CCDC7: variants seen among roughly 807,000 people sequenced by gnomAD.
The protein encoded by CCDC7 is coiled-coil domain-containing protein 7.
CCDC7 carries 183 observed loss-of-function variants against 196.9 expected under a neutral mutation model. The observed-to-expected ratio is 0.93, with a 90% confidence interval of 0.82 to 1.05. The LOEUF is 1.05. CCDC7 is among the 50% of genes least tolerant of loss of function. The probability of loss-of-function intolerance (pLI) is 0.00; values close to 1 mark genes in which losing one functional copy is unlikely to be tolerated. For synonymous variants in CCDC7, 525 were observed against 484.6 expected, an observed-to-expected ratio of 1.08 and a Z score of -1.10; for missense variants, 1,540 against 1,482.2, an observed-to-expected ratio of 1.04 and a Z score of -0.64.
At chr10:32,854,316 A>T (rs2093670767) in intron 40 of CCDC7, 84 bp from the exon 42 acceptor site, 2 of 811,242 alleles carry the variant, frequency 2.5e-6, no homozygotes, top group Non-Finnish European at 3.9e-6. Context: ...GTGTTTTAGA[A>T]TACTAAGATT....
At chr10:32,615,218 G>A (rs2062649169) in intron 18 of CCDC7, among the ~76,000 whole-genome samples, 1 of 152,098 alleles carries the variant, frequency 6.6e-6, no homozygotes, top group Non-Finnish European at 1.5e-5. Flanking sequence ...TAGATCAAAT[G>A]TTATTTCTAT....
chr10:32,684,431 G>C (rs1212332809), intron 21 of CCDC7, among the ~76,000 whole-genome samples: 1 of 152,168 alleles, frequency 6.6e-6, no homozygotes, highest in African/African-American at 2.4e-5. Flanking sequence ...CATGGCAGAG[G>C]TATGTGTCCC....
At chr10:32,758,071 A>G (rs1409311233) in intron 28 of CCDC7, among the ~76,000 whole-genome samples, 2 of 152,224 alleles carry the variant, frequency 1.3e-5, no homozygotes, top group Non-Finnish European at 2.9e-5. Context: ...ATCCCTGAAT[A>G]GACCAGTAAC....
intron 18 of CCDC7, among the ~76,000 whole-genome samples, chr10:32,593,973 C>T (rs1168382225): frequency 6.6e-6 from 1 of 152,134 alleles, no homozygotes; most frequent in Non-Finnish European, 1.5e-5. Flanking sequence ...AGTTTGAAGT[C>T]AGGTAGCATG....
At chr10:32,744,634 G>A (rs2074404422) in intron 28 of CCDC7, among the ~76,000 whole-genome samples, 1 of 152,160 alleles carries the variant, frequency 6.6e-6, no homozygotes, top group Non-Finnish European at 1.5e-5. Flanking sequence ...TAAGATGTCT[G>A]TTAAGGTATT....
chr10:32,878,749 A>G (rs1397333169), downstream of CCDC7, among the ~76,000 whole-genome samples: 1 of 152,156 alleles, frequency 6.6e-6, no homozygotes, highest in Non-Finnish European at 1.5e-5. Flanking sequence ...TGGAGATCAT[A>G]TGAATGCTTT....
intron 21 of CCDC7, among the ~76,000 whole-genome samples, chr10:32,679,388 G>A (rs1279965935): frequency 6.6e-6 from 1 of 152,136 alleles, no homozygotes; most frequent in East Asian, 1.9e-4. Context: ...CCCAGGGGTA[G>A]TGCTGTTTGG....
At chr10:32,707,771 G>A (rs2080048664) in intron 24 of CCDC7, among the ~76,000 whole-genome samples, 1 of 152,162 alleles carries the variant, frequency 6.6e-6, no homozygotes, top group Non-Finnish European at 1.5e-5. Context: ...CAAGGGACGT[G>A]AAGGACCTCT....
intron 9 of CCDC7, among the ~76,000 whole-genome samples, chr10:32,499,974 A>G (rs941360073): frequency 6.6e-6 from 1 of 152,254 alleles, no homozygotes; most frequent in Non-Finnish European, 1.5e-5. Context: ...TTAGTACAGA[A>G]CAAAATGGAG....
intron 13 of CCDC7, among the ~76,000 whole-genome samples, chr10:32,561,700 A>G (rs1436922862): frequency 2.0e-5 from 3 of 152,264 alleles, no homozygotes; most frequent in Middle Eastern, 3.2e-3. Flanking sequence ...AGAAAGCAGG[A>G]AAGATCTAAA....
intron 18 of CCDC7, among the ~76,000 whole-genome samples, chr10:32,599,109 G>GT (rs1319340729): frequency 2.0e-5 from 3 of 152,122 alleles, no homozygotes; most frequent in African/African-American, 7.2e-5. Context: ...TTATATATAT[G>GT]TTTTTAATTG....
intron 25 of CCDC7, among the ~76,000 whole-genome samples, chr10:32,721,747 G>A (rs1344192988): frequency 6.6e-6 from 1 of 152,108 alleles, no homozygotes; most frequent in Non-Finnish European, 1.5e-5. Flanking sequence ...TCTTGGGCTA[G>A]CTGTGTTGCT....
intron 18 of CCDC7, among the ~76,000 whole-genome samples, chr10:32,589,135 C>T (rs2059559981): frequency 6.6e-6 from 1 of 152,038 alleles, no homozygotes; most frequent in Non-Finnish European, 1.5e-5. Flanking sequence ...TACTCATCCT[C>T]GTTTCCCCCA....
chr10:32,730,868 TA>T (rs1468505843), intron 28 of CCDC7, among the ~76,000 whole-genome samples: 1 of 152,022 alleles, frequency 6.6e-6, no homozygotes. Flanking sequence ...GAAATAATAT[TA>T]TTAAATTATT....
chr10:32,645,003 G>T (rs1275975746), intron 20 of CCDC7, among the ~76,000 whole-genome samples: 2 of 152,046 alleles, frequency 1.3e-5, no homozygotes, highest in Non-Finnish European at 2.9e-5. Flanking sequence ...TGTGGAACCA[G>T]ACTAATACAA....
chr10:32,517,013 T>TAA (rs933585500), intron 9 of CCDC7, among the ~76,000 whole-genome samples: 2 of 152,174 alleles, frequency 1.3e-5, no homozygotes, highest in Non-Finnish European at 1.5e-5. Flanking sequence ...TTGTTGAAAA[T>TAA]AATCTATGGT....
At chr10:32,796,600 G>A (rs2083593250) in intron 29 of CCDC7, among the ~76,000 whole-genome samples, 1 of 152,120 alleles carries the variant, frequency 6.6e-6, no homozygotes, top group Admixed American at 6.5e-5. Context: ...TAGAAACATG[G>A]AGCAATGATA....
In CCDC7 at chr10:32,521,846, T is replaced by C. The variant is rs1487252479; in HGVS notation, c.993+3341T>C. On this transcript the variant is annotated intron_variant, in intron 11 of 41. Transcript: ENST00000639629. ...AAACTGGCTGTGGGTTTATCATATG[T>C]GGCTTTTATTATCGTTGAGGTATGT... Among the ~76,000 whole-genome samples, 3 of 152,278 alleles carry C rather than the reference T, an allele frequency of 2.0e-5. No individual in the cohort carries two copies. The East Asian group carries it at 5.8e-4, about 29-fold the overall frequency.
chr10:32,737,035 A>G (rs2084978177), intron 28 of CCDC7, among the ~76,000 whole-genome samples: 1 of 152,110 alleles, frequency 6.6e-6, no homozygotes, highest in African/African-American at 2.4e-5. Context: ...GTTTCCTACT[A>G]TTCTTAGTTT....
Sources: allele counts gnomAD v4.1 joint callset (sites outside exome capture counted in the v4.1 genomes callset), GRCh38; gene constraint gnomAD v4.1.1; transcripts MANE v1.5; gene names NCBI Gene and HGNC (gene_info 2026-07-23, HGNC 2026-07-21).